IGBP1C: variants seen among roughly 807,000 people sequenced by gnomAD.
IGBP1C encodes the protein immunoglobulin-binding protein 1 family member C.
the IGBP1C span, among the ~76,000 whole-genome samples, chr17:58,667,871 C>T: frequency 2.1e-5 from 3 of 143,762 alleles, no homozygotes; most frequent in Admixed American, 7.2e-5. Flanking sequence ...CCAGCCTGGG[C>T]GACAGAGTGA....
At chr17:58,668,558 A>T in the IGBP1C span, among the ~76,000 whole-genome samples, 1 of 152,130 alleles carries the variant, frequency 6.6e-6, no homozygotes, top group Non-Finnish European at 1.5e-5. Context: ...CATTTAATCC[A>T]CTCAACAATT....
At chr17:58,668,609 CTG>C in the IGBP1C span, among the ~76,000 whole-genome samples, 1 of 152,190 alleles carries the variant, frequency 6.6e-6, no homozygotes, top group Non-Finnish European at 1.5e-5. Context: ...TATGAGAAAA[CTG>C]AGGCCAAGGG....
chr17:58,678,560 C>T, the IGBP1C span, among the ~76,000 whole-genome samples: 1 of 151,992 alleles, frequency 6.6e-6, no homozygotes, highest in Admixed American at 6.6e-5. Context: ...TCATTCTGAG[C>T]AAACTTTGCA....
chr17:58,680,443 T>C, the IGBP1C span, among the ~76,000 whole-genome samples: 1 of 152,182 alleles, frequency 6.6e-6, no homozygotes, highest in Non-Finnish European at 1.5e-5. Context: ...ACGCTAATTC[T>C]AATTTTGAAT....
chr17:58,683,010 G>A, the IGBP1C span, among the ~76,000 whole-genome samples: 3 of 142,680 alleles, frequency 2.1e-5, no homozygotes, highest in South Asian at 2.2e-4. Flanking sequence ...TCGAGATCGC[G>A]CCATTGCACT....
the IGBP1C span, among the ~76,000 whole-genome samples, chr17:58,678,004 G>A: frequency 2.0e-5 from 3 of 152,198 alleles, no homozygotes; most frequent in Admixed American, 2.0e-4. Context: ...ACAAAAATTA[G>A]CCTGGCATGG....
At chr17:58,687,029 A>G in the IGBP1C span, among the ~76,000 whole-genome samples, 7 of 151,810 alleles carry the variant, frequency 4.6e-5, no homozygotes, top group African/African-American at 1.7e-4. Context: ...GCCCACCACC[A>G]CACCTGTAGG....
the IGBP1C span, among the ~76,000 whole-genome samples, chr17:58,673,258 A>G: frequency 6.6e-6 from 1 of 150,660 alleles, no homozygotes; most frequent in South Asian, 2.2e-4. Flanking sequence ...AGGTGGGTGG[A>G]TTATAAGGTC....
At chr17:58,660,764 T>C in the IGBP1C span, 3 of 781,148 alleles carry the variant, frequency 3.8e-6, no homozygotes, top group Non-Finnish European at 7.2e-6. Flanking sequence ...TAACACTCCA[T>C]GTTTCTGATG....
chr17:58,688,815 G>A, the IGBP1C span, among the ~76,000 whole-genome samples: 62 of 152,260 alleles, frequency 4.1e-4, no homozygotes, highest in African/African-American at 1.4e-3. Flanking sequence ...CCCGGGGGGG[G>A]TTTGGGAGAT....
chr17:58,682,826 G>T, the IGBP1C span, among the ~76,000 whole-genome samples: 1 of 152,140 alleles, frequency 6.6e-6, no homozygotes, highest in Non-Finnish European at 1.5e-5. Context: ...CCACTGCCTT[G>T]TAACTCTAAG....
chr17:58,683,052 C>CAAAAAAAAAAAAA, the IGBP1C span, among the ~76,000 whole-genome samples: 43 of 54,034 alleles, frequency 8.0e-4, no homozygotes, highest in African/African-American at 2.9e-3. Context: ...GAGTCTGTCT[C>CAAAAAAAAAAAAA]AAAAAAAAAA....
chr17:58,676,853 A>G, the IGBP1C span, among the ~76,000 whole-genome samples: 1 of 152,050 alleles, frequency 6.6e-6, no homozygotes, highest in Admixed American at 6.6e-5. Context: ...CCAGCTGACC[A>G]GGTGGGGTGG....
the IGBP1C span, among the ~76,000 whole-genome samples, chr17:58,680,735 C>CA: frequency 1.3e-5 from 2 of 151,768 alleles, no homozygotes; most frequent in South Asian, 2.1e-4. Context: ...GACTCTGTCT[C>CA]AAAAAAACCC....
the IGBP1C span, among the ~76,000 whole-genome samples, chr17:58,679,883 T>C: frequency 2.0e-5 from 3 of 152,148 alleles, no homozygotes; most frequent in African/African-American, 7.2e-5. Context: ...AGGGTGCAAA[T>C]AGCCAGCAGT....
the IGBP1C span, among the ~76,000 whole-genome samples, chr17:58,685,262 C>T: frequency 5.3e-4 from 81 of 151,524 alleles, no homozygotes; most frequent in Non-Finnish European, 9.7e-4. Flanking sequence ...GGTGAAACAC[C>T]GTCTCTACTA....
the IGBP1C span, among the ~76,000 whole-genome samples, chr17:58,671,438 A>AT: frequency 6.6e-6 from 1 of 152,100 alleles, no homozygotes. Flanking sequence ...AGACCAGCAC[A>AT]TATCTCTAAC....
At chr17:58,666,609 G>A in the IGBP1C span, 66 of 152,078 alleles carry the variant, frequency 4.3e-4, no homozygotes, top group African/African-American at 1.6e-3. Context: ...TGGGGAAATC[G>A]TAGGGATCAG....
the IGBP1C span, among the ~76,000 whole-genome samples, chr17:58,688,000 G>C: frequency 6.6e-6 from 1 of 152,174 alleles, no homozygotes; most frequent in African/African-American, 2.4e-5. Context: ...TAGTGATCTA[G>C]TCTTCAGAGT....
Sources: allele counts gnomAD v4.1 joint callset (sites outside exome capture counted in the v4.1 genomes callset), GRCh38; gene constraint gnomAD v4.1.1; transcripts MANE v1.5; gene names NCBI Gene and HGNC (gene_info 2026-07-23, HGNC 2026-07-21).